CERK: variants seen among roughly 807,000 people sequenced by gnomAD.
CERK encodes ceramide kinase, also known as acylsphingosine kinase.
CERK carries 39 observed loss-of-function variants against 63.4 expected under a neutral mutation model. That is an observed-to-expected ratio of 0.61 (90% CI 0.48 to 0.80). The LOEUF is 0.80. CERK is among the 30% of genes least tolerant of loss of function. The probability of loss-of-function intolerance (pLI) is 0.00; values close to 1 mark genes in which losing one functional copy is unlikely to be tolerated. For missense variants in CERK, 670 were observed against 714.1 expected, an observed-to-expected ratio of 0.94 and a Z score of 0.70; for synonymous variants, 302 against 280.0, an observed-to-expected ratio of 1.08 and a Z score of -0.78.
At chr22:46,689,891 TA>T in intron 12 of CERK, 100 bp downstream of exon 12, 2 of 763,114 alleles carry the variant, frequency 2.6e-6, no homozygotes, top group Non-Finnish European at 2.0e-6. Flanking sequence ...TTTGTGTTTA[TA>T]AAGCCCCAGG....
rs953071093 is a variant in CERK, at chr22:46,700,810, G to A, written c.790+826C>T. ...GTGGATCACCTGAGGTCAGGAGTTC[G>A]AGACCAGCCTGACCAATACGGTGAA... is the stretch of plus-strand genomic sequence containing the variant. On this transcript the variant is annotated intron_variant, in intron 7 of 12. Transcript: ENST00000216264. Among the ~76,000 whole-genome samples the A allele has an allele frequency of 1.1e-4, 16 of 152,200 alleles. 2 individuals carry two copies. The highest frequency in any genetic ancestry group is 6.5e-4 in the Admixed American group (10 of 15,302).
Position 46,695,203 on chromosome 22 carries a change from C to A in CERK, c.1049+7G>T. ...TGCAAGAGAAACACACAAAGCAATG[C>A]ACTTACCCTGCCCGGCAGGGCTTCC... is the stretch of plus-strand genomic sequence containing the variant. On this transcript the variant is annotated splice_region_variant and intron_variant, in intron 9 of 12. Transcript: ENST00000216264. The A allele has an allele frequency of 7.0e-7, 1 of 1,421,162 alleles. No homozygotes were observed. Among genetic ancestry groups the A allele is most frequent in the South Asian group, 1.2e-5 (1 of 85,738 alleles). The allele number at this position is 1,421,162 out of a possible 1,614,324, so 88.0% of individuals were successfully genotyped here.
chr22:46,709,833 G>A (rs2082831677), intron 5 of CERK, among the ~76,000 whole-genome samples: 1 of 152,082 alleles, frequency 6.6e-6, no homozygotes, highest in Non-Finnish European at 1.5e-5. Flanking sequence ...AACTTCTACT[G>A]GGAAGAATTA....
chr22:46,688,087 C>A lies in CERK; in HGVS notation c.1542-881G>T, dbSNP rs141183491. 2.0e-3 allele frequency among the ~76,000 whole-genome samples: 311 copies of A among 152,210 alleles called. 2 individuals are homozygous for A. Among genetic ancestry groups the A allele is most frequent in the African/African-American group, 7.0e-3 (292 of 41,530 alleles). ...TGGCGGGCGCCTGCTACTTGGGAGG[C>A]TGAGGCAGGAGAATTGCTTGAACCT... On this transcript the variant is annotated intron_variant, in intron 12 of 12. Coordinates refer to ENST00000216264, the MANE Select transcript of CERK (RefSeq NM_022766.6).
chr22:46,720,981 G>C lies in CERK; in HGVS notation c.177C>G (p.Ala59=). 6.2e-7 allele frequency: 1 copy of C among 1,613,498 alleles called. No individual in the cohort carries two copies. Among genetic ancestry groups the C allele is most frequent in the Non-Finnish European group, 8.5e-7 (1 of 1,179,580 alleles). Residue 59 remains alanine (A), a synonymous_variant, in exon 2 of 13, where the codon GCC becomes GCG. Transcript: ENST00000216264. ...TCCCGTGAACGTCTGTTTCCTCAAC[G>C]GCGATGATCTCAGATACAGGCACAG... ...ACSVPVSEII[A]VEETDVHGKH...
chr22:46,720,960 G>A lies in CERK; in HGVS notation c.198C>T (p.His66=), dbSNP rs774366783. 47 of 1,613,490 alleles carry A rather than the reference G, an allele frequency of 2.9e-5. No individual in the cohort carries two copies. The highest frequency in any genetic ancestry group is 5.0e-5 in the Admixed American group (3 of 59,984). Residue 66 remains histidine, a synonymous_variant, in exon 2 of 13, where the codon CAC becomes CAT. Coordinates refer to ENST00000216264, the MANE Select transcript of CERK (RefSeq NM_022766.6). ...ATTTTCCACTGCCTTGATGTTTCCC[G>A]TGAACGTCTGTTTCCTCAACGGCGA... ...EIIAVEETDV[H]GKHQGSGKWQ... is the part of the protein sequence containing the mutation.
rs765548989 is a variant in CERK, at chr22:46,738,136, C to T, written c.13G>A (p.Gly5Arg). ...ACGGATTGCAGCGGCTCCGCCGCCC[C>T]CGTCGCCCCCATCTCCGCCGCCGGG... MGAT[G>R]AAEPLQSVLW... Residue 5 changes from glycine (G) to arginine (R), a missense_variant, in exon 1 of 13, where the codon GGG (glycine) becomes AGG (arginine). By Grantham distance (125) the Gly-to-Arg change is moderately radical. Coordinates refer to ENST00000216264, the MANE Select transcript of CERK (RefSeq NM_022766.6). The T allele has an allele frequency of 5.1e-5, 62 of 1,215,430 alleles. No homozygotes were observed. In the Admixed American group the frequency reaches 8.5e-4, roughly 17 times the overall value. 75.3% of individuals were successfully genotyped at this position (1,215,430 alleles called of 1,614,324 possible). A position where few individuals can be genotyped will look rare whatever the true frequency, so the allele number is the denominator to read the frequency against.
At chr22:46,733,132 C>T (rs542818709) in intron 1 of CERK, among the ~76,000 whole-genome samples, 7 of 143,002 alleles carry the variant, frequency 4.9e-5, no homozygotes, top group East Asian at 4.3e-4. Flanking sequence ...GGTGTGAACC[C>T]GGGAGGCGGA....
At chr22:46,709,442 C>T (rs1158554899) in intron 5 of CERK, among the ~76,000 whole-genome samples, 2 of 152,122 alleles carry the variant, frequency 1.3e-5, no homozygotes, top group African/African-American at 2.4e-5. Context: ...GGGAGATGTG[C>T]ATGGAGGAGC....
At chr22:46,727,312 C>T (rs1412224040) in intron 1 of CERK, among the ~76,000 whole-genome samples, 1 of 152,028 alleles carries the variant, frequency 6.6e-6, no homozygotes, top group Non-Finnish European at 1.5e-5. Flanking sequence ...ACAGGTCTCA[C>T]TGTGTCACCC....
At chr22:46,689,090 G>A (rs564888651) in intron 12 of CERK, among the ~76,000 whole-genome samples, 16 of 152,370 alleles carry the variant, frequency 1.1e-4, no homozygotes, top group Admixed American at 2.0e-4. Flanking sequence ...CAGCCAGCCA[G>A]AGGAGGGGTG....
At chr22:46,696,992 A>C (rs1336576576) in intron 8 of CERK, among the ~76,000 whole-genome samples, 1 of 152,082 alleles carries the variant, frequency 6.6e-6, no homozygotes, top group Non-Finnish European at 1.5e-5. Context: ...CGCTTCCTAA[A>C]ATTCTCGCGG....
chr22:46,691,445 A>T (rs2082731026), intron 11 of CERK, 127 bp downstream of exon 11: 4 of 275,866 alleles, frequency 1.4e-5, no homozygotes, highest in African/African-American at 2.3e-5. Context: ...TTGTGAAATT[A>T]AAAAAAAAAA....
chr22:46,690,293 C>T lies in CERK; in HGVS notation c.1333-93G>A. 3 of 937,872 alleles carry T rather than the reference C, an allele frequency of 3.2e-6. 1 individual carries two copies. In the South Asian group the frequency reaches 4.7e-5, roughly 15 times the overall value. The allele number at this position is 937,872 out of a possible 1,614,324, so 58.1% of individuals were successfully genotyped here. On this transcript the variant is annotated intron_variant, in intron 11 of 12. Coordinates refer to ENST00000216264, the MANE Select transcript of CERK (RefSeq NM_022766.6). ...CCCCAGGCCTGACAGCGAGCGCTGT[C>T]AGGCCTGGGTGCACACACGGCCCTT...
At chr22:46,732,118 G>A (rs1004704736) in intron 1 of CERK, among the ~76,000 whole-genome samples, 6 of 152,154 alleles carry the variant, frequency 3.9e-5, no homozygotes, top group South Asian at 2.1e-4. Context: ...CAGCCGAATC[G>A]AGAACCCAGC....
intron 3 of CERK, 99 bp downstream of exon 3, chr22:46,719,987 C>T: frequency 6.7e-7 from 1 of 1,496,016 alleles, no homozygotes. Context: ...GGGGTATGGC[C>T]AGCTGCACGA....
At chr22:46,709,925 T>A (rs1486364299) in intron 5 of CERK, among the ~76,000 whole-genome samples, 1 of 152,222 alleles carries the variant, frequency 6.6e-6, no homozygotes, top group African/African-American at 2.4e-5. Context: ...GAATTGCCTA[T>A]TATTTGTTGG....
chr22:46,728,320 G>C (rs191966970), intron 1 of CERK, among the ~76,000 whole-genome samples: 6 of 152,042 alleles, frequency 3.9e-5, no homozygotes, highest in Non-Finnish European at 7.4e-5. Flanking sequence ...CAGGAACCCC[G>C]CTCTTCCCCC....
intron 8 of CERK, among the ~76,000 whole-genome samples, chr22:46,696,068 C>CACACACAACCTTACCCCCG (rs1327403797): frequency 6.6e-6 from 1 of 152,166 alleles, no homozygotes; most frequent in Non-Finnish European, 1.5e-5. Flanking sequence ...GCAGGGCCGT[C>CACACACAACCTTACCCCCG]ACACACAACC....
Sources: gnomAD v4.1 joint callset for allele counts (sites outside exome capture counted in the v4.1 genomes callset) on GRCh38, gnomAD v4.1.1 for gene constraint, MANE v1.5 for transcripts, NCBI Gene and HGNC (gene_info 2026-07-23, HGNC 2026-07-21) for gene names.